The following KIRREL3 variants were observed in gnomAD, a reference collection of about 807,000 sequenced individuals.
KIRREL3 encodes kin of IRRE-like protein 3.
A neutral mutation model predicts 89.7 loss-of-function variants in KIRREL3; 36 were observed. The observed-to-expected ratio is 0.40, with a 90% CI of 0.31 to 0.53. KIRREL3 has a LOEUF of 0.53. Among genes scored for constraint, KIRREL3 ranks in the 20% least tolerant of loss-of-function variants. KIRREL3 has a pLI of 0.49. For synonymous variants in KIRREL3, 445 were observed against 441.4 expected (o/e 1.01, Z -0.10); for missense variants, 864 against 1,056.6 (o/e 0.82, Z 2.53).
At chr11:126,880,527 T>C (rs1225440020) in intron 1 of KIRREL3, among the ~76,000 whole-genome samples, 1 of 152,204 alleles carries the variant, frequency 6.6e-6, no homozygotes, top group Non-Finnish European at 1.5e-5. Flanking sequence ...ATTGTAAAAT[T>C]AGATGTCATT....
rs906155885 is a variant in KIRREL3 at position 126,991,265 on chromosome 11, G to T, written c.55+9190C>A. Among the ~76,000 whole-genome samples the T allele has an allele frequency of 5.3e-5, 8 of 152,034 alleles. No individual in the cohort carries two copies. The highest frequency in any genetic ancestry group is 1.9e-4 in the African/African-American group (8 of 41,372). ...GGTTCTTCTTCTGCCTCCTGCCAGG[G>T]GCCCTCTCAGCATCTCTCCATGTGC... On this transcript the variant is annotated intron_variant, in intron 1 of 16. Transcript: ENST00000525144. The surrounding 1 kb of genome is among the most constrained non-coding windows in gnomAD (Gnocchi z 5.8).
rs1457611428 is a variant in KIRREL3, at chr11:126,681,290, A to T, written c.56-118378T>A. 2.0e-5 allele frequency among the ~76,000 whole-genome samples: 3 copies of T among 152,162 alleles called. No homozygotes were observed. The South Asian group carries it at 6.2e-4, about 31-fold the overall frequency. ...TTGTAGACCTTCCCTTCATACCTCC[A>T]GGTTAGCCTTACATCCAATCACTTG... On this transcript the variant is annotated intron_variant, in intron 1 of 16. Transcript: ENST00000525144.
chr11:126,664,497 TC>T lies in KIRREL3; in HGVS notation c.56-101586del, dbSNP rs1945565525. Among the ~76,000 whole-genome samples, 1 of 152,152 alleles carries T rather than the reference TC, an allele frequency of 6.6e-6. No homozygotes were observed. The highest frequency in any genetic ancestry group is 1.5e-5 in the Non-Finnish European group (1 of 68,024). On this transcript the variant is annotated intron_variant, in intron 1 of 16. Coordinates refer to ENST00000525144, the MANE Select transcript of KIRREL3 (RefSeq NM_032531.4). This position sits in a 1 kb window ranked among gnomAD's most constrained non-coding sequence, Gnocchi z 5.4. ...GCTCTGTCATACTGGGCTAGAGCAATCTCAGGTGCAGGGAAGGCATAGATCT... is the reference window on the plus strand; with the variant it reads ...GCTCTGTCATACTGGGCTAGAGCAATTCAGGTGCAGGGAAGGCATAGATCT...
In KIRREL3 at chr11:126,527,425, C is replaced by A. The variant is rs1958797092; in HGVS notation, c.134-738G>T. Among the ~76,000 whole-genome samples the A allele has an allele frequency of 6.6e-6, 1 of 152,200 alleles. No individual in the cohort carries two copies. Among genetic ancestry groups the A allele is most frequent in the South Asian group, 2.1e-4 (1 of 4,830 alleles). On this transcript the variant is annotated intron_variant, in intron 2 of 16. Coordinates refer to ENST00000525144, the MANE Select transcript of KIRREL3 (RefSeq NM_032531.4). This position sits in a 1 kb window ranked among gnomAD's most constrained non-coding sequence, Gnocchi z 4.2. ...AGTCAGTTGACATTATTTTATTAAA[C>A]AAACCCATCCACAATGCTTACAAGA... is the stretch of plus-strand genomic sequence containing the variant.
At chr11:126,835,099 C>T (rs1389150856) in intron 1 of KIRREL3, among the ~76,000 whole-genome samples, 1 of 152,188 alleles carries the variant, frequency 6.6e-6, no homozygotes, top group Non-Finnish European at 1.5e-5. Flanking sequence ...TGTGATTAAT[C>T]CTCAGTGAGT....
rs540960731 is a variant in KIRREL3 at position 126,908,830 on chromosome 11, T to G, written c.55+91625A>C. ...TCATCCCTCGTTATTCAAGGAGGAT[T>G]GGTTCCTGGATCCTCTTGGGTATCA... is the stretch of plus-strand genomic sequence containing the variant. On this transcript the variant is annotated intron_variant, in intron 1 of 16. Coordinates refer to ENST00000525144, the MANE Select transcript of KIRREL3 (RefSeq NM_032531.4). This position sits in a 1 kb window ranked among gnomAD's most constrained non-coding sequence, Gnocchi z 4.2. 6.4e-4 allele frequency among the ~76,000 whole-genome samples: 98 copies of G among 152,274 alleles called. No homozygotes were observed. In the Middle Eastern group the frequency reaches 0.017, roughly 26 times the overall value.
intron 1 of KIRREL3, among the ~76,000 whole-genome samples, chr11:126,751,668 A>G (rs80306999): frequency 6.9e-6 from 1 of 144,556 alleles, no homozygotes; most frequent in African/African-American, 2.6e-5. Context: ...CTTTTTGAGG[A>G]AAAAAAAAAA....
rs764150576 is a variant in KIRREL3 at position 126,473,405 on chromosome 11, A to G, written c.495T>C (p.Pro165=). 2 of 1,589,622 alleles carry G rather than the reference A, an allele frequency of 1.3e-6. No individual in the cohort carries two copies. Among genetic ancestry groups the G allele is most frequent in the Non-Finnish European group, 1.7e-6 (2 of 1,167,294 alleles). ...GPVISLRAGD[P]LNLTCHADNA... The stretch of plus-strand genomic sequence containing the variant: ...TGTCTGCGTGGCAGGTGAGGTTGAG[A>G]GGGTCCCCCGCACGCAGGCTGATCA... Residue 165 remains proline, a synonymous_variant, in exon 5 of 17, where the codon CCT becomes CCC. Coordinates refer to ENST00000525144, the MANE Select transcript of KIRREL3 (RefSeq NM_032531.4).
chr11:126,854,773 T>C (rs747731071), intron 1 of KIRREL3, among the ~76,000 whole-genome samples: 4 of 152,234 alleles, frequency 2.6e-5, no homozygotes, highest in African/African-American at 4.8e-5. Context: ...GGTAATTCTA[T>C]GTTTAATTTT....
chr11:126,466,612 T>A (rs1388545213), intron 5 of KIRREL3, among the ~76,000 whole-genome samples: 1 of 152,236 alleles, frequency 6.6e-6, no homozygotes, highest in Non-Finnish European at 1.5e-5. Flanking sequence ...TTTGCTTCAC[T>A]CCTTTTCAGA....
intron 1 of KIRREL3, among the ~76,000 whole-genome samples, chr11:126,731,256 G>A (rs1267547122): frequency 6.6e-6 from 1 of 152,164 alleles, no homozygotes; most frequent in East Asian, 1.9e-4. Context: ...CCATGCCCCA[G>A]CAGTACTAGA....
At chr11:126,444,942 C>T (rs1418632991) in intron 10 of KIRREL3, 37 bp downstream of exon 10, 11 of 1,610,190 alleles carry the variant, frequency 6.8e-6, no homozygotes, top group Non-Finnish European at 9.3e-6. Flanking sequence ...TCCTTCTTCC[C>T]TCCCTCAGGC....
At position 126,903,227 on chromosome 11, in the gene KIRREL3, C is replaced by T. The variant is rs537762402; in HGVS notation, c.55+97228G>A. Among the ~76,000 whole-genome samples, 9 of 152,240 alleles carry T rather than the reference C, an allele frequency of 5.9e-5. No homozygotes were observed. The highest frequency in any genetic ancestry group is 3.9e-4 in the East Asian group (2 of 5,186). On this transcript the variant is annotated intron_variant, in intron 1 of 16. Transcript: ENST00000525144. The surrounding 1 kb of genome is among the most constrained non-coding windows in gnomAD (Gnocchi z 4.5). The stretch of plus-strand genomic sequence containing the variant: ...TTTGCTATATTTAGAGGGAAAATAA[C>T]GTCCCTCTGCAATTACCATTTGGTA...
chr11:126,755,066 A>T lies in KIRREL3; in HGVS notation c.56-192154T>A, dbSNP rs574982133. Among the ~76,000 whole-genome samples, 7 of 151,496 alleles carry T rather than the reference A, an allele frequency of 4.6e-5. No individual in the cohort carries two copies. Among genetic ancestry groups the T allele is most frequent in the African/African-American group, 1.7e-4 (7 of 40,762 alleles). ...CCAGATAAGAGTATCTTAATCAAATAAAAAAAGCATTAGGCTTTAATCTCC... is the reference window on the plus strand; with the variant it reads ...CCAGATAAGAGTATCTTAATCAAATTAAAAAAGCATTAGGCTTTAATCTCC... On this transcript the variant is annotated intron_variant, in intron 1 of 16. Transcript: ENST00000525144. This position sits in a 1 kb window ranked among gnomAD's most constrained non-coding sequence, Gnocchi z 4.3.
At chr11:126,960,951 G>C (rs945610960) in intron 1 of KIRREL3, among the ~76,000 whole-genome samples, 1 of 152,030 alleles carries the variant, frequency 6.6e-6, no homozygotes, top group African/African-American at 2.4e-5. Context: ...GGGCTATTAT[G>C]GTGATCTGTG....
intron 4 of KIRREL3, among the ~76,000 whole-genome samples, chr11:126,504,668 T>G (rs1287188646): frequency 1.3e-5 from 2 of 152,128 alleles, no homozygotes; most frequent in African/African-American, 4.8e-5. Flanking sequence ...ACAAAACCAG[T>G]GTTACCTGAT....
chr11:126,723,507 A>G lies in KIRREL3; in HGVS notation c.56-160595T>C, dbSNP rs1351188516. On this transcript the variant is annotated intron_variant, in intron 1 of 16. Coordinates refer to ENST00000525144, the MANE Select transcript of KIRREL3 (RefSeq NM_032531.4). The surrounding 1 kb of genome is among the most constrained non-coding windows in gnomAD (Gnocchi z 4.0). The stretch of plus-strand genomic sequence containing the variant: ...GCATCATTAAGCAGCTGGTGCCAAC[A>G]TTTACCTCACACCTCCCTTAGTAGG... 2.0e-5 allele frequency among the ~76,000 whole-genome samples: 3 copies of G among 152,212 alleles called. No individual in the cohort carries two copies. Among genetic ancestry groups the G allele is most frequent in the African/African-American group, 4.8e-5 (2 of 41,462 alleles).
At chr11:126,586,126 A>G (rs1941840654) in intron 1 of KIRREL3, among the ~76,000 whole-genome samples, 1 of 152,102 alleles carries the variant, frequency 6.6e-6, no homozygotes, top group Admixed American at 6.5e-5. Flanking sequence ...CATTCAGATG[A>G]TGGGAGGTGA....
At chr11:127,001,374 T>C (rs1423007363), upstream of KIRREL3, among the ~76,000 whole-genome samples, 1 of 150,614 alleles carries the variant, frequency 6.6e-6, no homozygotes, top group Non-Finnish European at 1.5e-5. Flanking sequence ...TTTGCACTGC[T>C]CCTGGAAGAC....
Sources: gnomAD v4.1 joint callset for allele counts (sites outside exome capture counted in the v4.1 genomes callset) on GRCh38, gnomAD v4.1.1 for gene constraint, Gnocchi (gnomAD v3.1) non-coding constraint, MANE v1.5 for transcripts, NCBI Gene and HGNC (gene_info 2026-07-23, HGNC 2026-07-21) for gene names.